Variants in SLAIN2 observed in about 807,000 individuals in gnomAD.
The protein encoded by SLAIN2 is SLAIN family member 2.
Under a neutral mutation model 56.6 loss-of-function variants are expected in SLAIN2, and 31 were observed. The observed-to-expected ratio is 0.55, with a 90% CI of 0.41 to 0.74. The LOEUF is 0.74. Among genes scored for constraint, SLAIN2 ranks in the 30% least tolerant of loss-of-function variants. The probability of loss-of-function intolerance (pLI) is 0.00; values close to 1 mark genes in which losing one functional copy is unlikely to be tolerated. For synonymous variants in SLAIN2, 317 were observed against 284.9 expected, an observed-to-expected ratio of 1.11 and a Z score of -1.13; for missense variants, 777 against 754.2, an observed-to-expected ratio of 1.03 and a Z score of -0.35.
At chr4:48,416,665 A>T (rs1370864710) in intron 6 of SLAIN2, among the ~76,000 whole-genome samples, 1 of 151,738 alleles carries the variant, frequency 6.6e-6, no homozygotes, top group Non-Finnish European at 1.5e-5. Context: ...CTCAGACCAC[A>T]GTGCAATCAA....
Position 48,377,989 on chromosome 4 carries a change from G to T in SLAIN2, c.632G>T (p.Gly211Val). The change falls in exon 3 of 8, where the codon GGC becomes GTC. Residue 211 changes from glycine to valine, a missense_variant. Physicochemically the swap from Gly to Val is moderately radical, Grantham distance 109 (BLOSUM62 -3). Coordinates refer to ENST00000264313, the MANE Select transcript of SLAIN2 (RefSeq NM_020846.2). ...SPNASSPYSS[G>V]FNSPSSTPVR... ...AATGCCAGTAGCCCATACAGCAGTG[G>T]CTTCAATTCTCCATCCTCAACCCCA... 1 of 1,613,882 alleles carries T rather than the reference G, an allele frequency of 6.2e-7. No homozygotes were observed. The highest frequency in any genetic ancestry group is 8.5e-7 in the Non-Finnish European group (1 of 1,179,852).
chr4:48,363,551 C>T (rs866695310), intron 1 of SLAIN2, among the ~76,000 whole-genome samples: 1,007 of 85,994 alleles, frequency 0.012, 6 homozygotes, highest in Admixed American at 0.018. Flanking sequence ...CCAGACGGGG[C>T]GGCTGGCCGG....
chr4:48,347,857 C>T (rs895676854), intron 1 of SLAIN2, among the ~76,000 whole-genome samples: 1 of 152,210 alleles, frequency 6.6e-6, no homozygotes, highest in African/African-American at 2.4e-5. Flanking sequence ...TAAGTAGAAT[C>T]ATACAATACT....
intron 2 of SLAIN2, among the ~76,000 whole-genome samples, chr4:48,371,521 G>C (rs1326154613): frequency 4.6e-5 from 7 of 152,246 alleles, no homozygotes; most frequent in East Asian, 1.9e-4. Context: ...CAAGCTAGTA[G>C]ACCATTTTAA....
chr4:48,381,391 A>G (rs192539033), intron 4 of SLAIN2, among the ~76,000 whole-genome samples: 10 of 152,270 alleles, frequency 6.6e-5, no homozygotes, highest in Admixed American at 6.5e-4. Context: ...CCTTTTTACA[A>G]CATTGTGTTT....
intron 2 of SLAIN2, among the ~76,000 whole-genome samples, chr4:48,376,619 C>CTTT (rs556187877): frequency 1.2e-4 from 13 of 107,550 alleles, no homozygotes; most frequent in East Asian, 2.5e-4. Context: ...TTCAGGTTGA[C>CTTT]TTTTTTTTTT....
chr4:48,375,064 G>C (rs1715768970), intron 2 of SLAIN2, among the ~76,000 whole-genome samples: 1 of 152,188 alleles, frequency 6.6e-6, no homozygotes, highest in Non-Finnish European at 1.5e-5. Context: ...TTAGCATATA[G>C]ATAATAATTG....
chr4:48,407,868 G>T (rs1716741047), intron 6 of SLAIN2, among the ~76,000 whole-genome samples: 1 of 152,044 alleles, frequency 6.6e-6, no homozygotes, highest in Non-Finnish European at 1.5e-5. Flanking sequence ...ACTTCTTCCA[G>T]CCCCTGGCAC....
chr4:48,344,437 T>C (rs1300531119), intron 1 of SLAIN2, among the ~76,000 whole-genome samples: 1 of 152,134 alleles, frequency 6.6e-6, no homozygotes, highest in Non-Finnish European at 1.5e-5. Flanking sequence ...TGCCGCAAAG[T>C]GCTAGTTCTG....
chr4:48,403,933 A>T (rs1431993740), intron 6 of SLAIN2, among the ~76,000 whole-genome samples: 5 of 152,106 alleles, frequency 3.3e-5, no homozygotes, highest in African/African-American at 1.2e-4. Flanking sequence ...GGTTGCAAAG[A>T]TCCGTGGGAG....
intron 6 of SLAIN2, among the ~76,000 whole-genome samples, chr4:48,385,295 T>G (rs1716072885): frequency 6.6e-6 from 1 of 152,260 alleles, no homozygotes; most frequent in Non-Finnish European, 1.5e-5. Context: ...TATGATCTTA[T>G]GAACGCTCAG....
chr4:48,344,430 C>T (rs990607520), intron 1 of SLAIN2, among the ~76,000 whole-genome samples: 4 of 151,964 alleles, frequency 2.6e-5, no homozygotes, highest in Non-Finnish European at 4.4e-5. Context: ...GTGTATGTGC[C>T]GCAAAGTGCT....
intron 6 of SLAIN2, among the ~76,000 whole-genome samples, chr4:48,411,552 T>G (rs1239999169): frequency 6.6e-6 from 1 of 152,148 alleles, no homozygotes; most frequent in East Asian, 1.9e-4. Context: ...TGGACTTCAT[T>G]TTCCTTTATC....
chr4:48,397,282 T>C (rs145219044), intron 6 of SLAIN2, among the ~76,000 whole-genome samples: 1 of 152,166 alleles, frequency 6.6e-6, no homozygotes, highest in African/African-American at 2.4e-5. Flanking sequence ...GAACAGACAC[T>C]TCTCAAAAGA....
chr4:48,419,157 C>G (rs556295557), intron 6 of SLAIN2, among the ~76,000 whole-genome samples: 2 of 151,558 alleles, frequency 1.3e-5, no homozygotes, highest in South Asian at 4.2e-4. Context: ...GGCTGGAATG[C>G]AGTACCGCGA....
chr4:48,411,179 G>C (rs1011413380), intron 6 of SLAIN2, among the ~76,000 whole-genome samples: 4 of 152,082 alleles, frequency 2.6e-5, no homozygotes, highest in African/African-American at 9.7e-5. Flanking sequence ...TGTTGAGAAG[G>C]GGAGGATAAG....
intron 1 of SLAIN2, among the ~76,000 whole-genome samples, chr4:48,347,326 C>T (rs555372169): frequency 6.6e-6 from 1 of 151,432 alleles, no homozygotes; most frequent in South Asian, 2.1e-4. Context: ...TACCACCCCC[C>T]CTCCCCCACC....
chr4:48,382,823 A>G lies in SLAIN2; in HGVS notation c.1118A>G (p.Tyr373Cys). Residue 373 changes from tyrosine (Y) to cysteine (C), a missense_variant, in exon 5 of 8, where the codon TAT becomes TGT. By Grantham distance (194) the Tyr-to-Cys change is radical. Coordinates refer to ENST00000264313, the MANE Select transcript of SLAIN2 (RefSeq NM_020846.2). Reference protein sequence around the residue: ...RSRSPARGIEYSRVSPQPMIS... With the variant: ...RSRSPARGIECSRVSPQPMIS... ...CGATCTCCTGCTCGGGGAATAGAAT[A>G]TAGTAGAGTGTCCCCACAGCCTATG... 3 of 1,613,870 alleles carry G rather than the reference A, an allele frequency of 1.9e-6. No homozygotes were observed. Among genetic ancestry groups the G allele is most frequent in the Non-Finnish European group, 2.5e-6 (3 of 1,179,876 alleles).
intron 2 of SLAIN2, among the ~76,000 whole-genome samples, chr4:48,375,099 G>C (rs1349134989): frequency 6.6e-6 from 1 of 152,158 alleles, no homozygotes; most frequent in Non-Finnish European, 1.5e-5. Flanking sequence ...TTCCTTAGGA[G>C]AAAGAATATG....
Sources: gnomAD v4.1 joint callset for allele counts (sites outside exome capture counted in the v4.1 genomes callset) on GRCh38, gnomAD v4.1.1 for gene constraint, MANE v1.5 for transcripts, NCBI Gene and HGNC (gene_info 2026-07-23, HGNC 2026-07-21) for gene names.